The following WDR62 variants were observed in gnomAD, a reference collection of about 807,000 sequenced individuals.
WDR62 encodes the protein WD repeat-containing protein 62.
In WDR62, 112 loss-of-function variants were observed where a neutral mutation model predicts 160.6. The observed-to-expected ratio is 0.70, with a 90% confidence interval of 0.60 to 0.82. The LOEUF (loss-of-function observed/expected upper bound fraction) is 0.82, where lower values mean the gene tolerates loss of function less well. Ranked by LOEUF, WDR62 falls within the 40% of genes least tolerant of loss-of-function variation. WDR62 has a pLI of 0.00. For missense variants in WDR62, 1,819 were observed against 1,983.8 expected (o/e 0.92, Z 1.58); for synonymous variants, 792 against 815.1 (o/e 0.97, Z 0.48).
the WDR62 span, chr19:36,111,139 C>T: frequency 7.3e-7 from 1 of 1,362,976 alleles, no homozygotes; most frequent in East Asian, 2.5e-5. Flanking sequence ...GGATAGTCAT[C>T]CTGGGGCTGA....
chr19:36,083,392 G>A (rs1241548287), intron 11 of WDR62, 151 bp downstream of exon 11: 3 of 855,816 alleles, frequency 3.5e-6, no homozygotes, highest in Non-Finnish European at 5.7e-6. Context: ...CTCCCATTGG[G>A]AACTTAAGCT....
At chr19:36,084,478 C>G (rs1032784200) in intron 11 of WDR62, among the ~76,000 whole-genome samples, 175 bp from the exon 12 acceptor site, 1 of 152,160 alleles carries the variant, frequency 6.6e-6, no homozygotes, top group Admixed American at 6.5e-5. Context: ...TTCAACACGG[C>G]TCCCTTTACG....
At chr19:36,070,211 T>C (rs1030935007) in intron 7 of WDR62, 1 of 147,814 alleles carries the variant, frequency 6.8e-6, no homozygotes, top group Non-Finnish European at 1.5e-5. Flanking sequence ...AAGGCTGGAG[T>C]GCAGTGGCGC....
At chr19:36,095,476 TCA>T (rs1329462028) in intron 20 of WDR62, among the ~76,000 whole-genome samples, 63 of 152,308 alleles carry the variant, frequency 4.1e-4, no homozygotes, top group African/African-American at 1.4e-3. Context: ...CTCCATCCAC[TCA>T]CACCACCTGA....
rs1391916477 is a variant in WDR62, at chr19:36,071,708, G to T, written c.1035G>T (p.Leu345=). 3 of 1,613,514 alleles carry T rather than the reference G, an allele frequency of 1.9e-6. No individual in the cohort carries two copies. The highest frequency in any genetic ancestry group is 2.5e-6 in the Non-Finnish European group (3 of 1,179,758). ...HYLGVDVAQG[L]EPSFLFHRKA... is the part of the protein sequence containing the mutation. ...TTGGGGTAGACGTGGCACAGGGCCT[G>T]GAGCCCAGGTACTGCCCTGTGGGGA... The change falls in exon 8 of 32, where the codon CTG becomes CTT. Residue 345 remains leucine (L), a synonymous_variant. Transcript: ENST00000401500.
intron 7 of WDR62, chr19:36,071,033 C>A (rs558238906): frequency 5.9e-6 from 1 of 169,092 alleles, no homozygotes; most frequent in Non-Finnish European, 1.3e-5. Context: ...CATGGTGAAA[C>A]CCCATCTCAA....
chr19:36,103,039 G>A lies in WDR62; in HGVS notation c.3427G>A (p.Ala1143Thr), dbSNP rs1973476107. Reference sequence around the variant, plus strand: ...GGACCGAGGCGGAAGCCAGCCCAGAGCAGGTACTGGCTACGCCTCCCCAGA... The same window carrying A: ...GGACCGAGGCGGAAGCCAGCCCAGAACAGGTACTGGCTACGCCTCCCCAGA... ...LMDRGGSQPR[A>T]GTGYASPDRT... Residue 1143 changes from alanine to threonine, a missense_variant, in exon 28 of 32, where the codon GCA (alanine) becomes ACA (threonine). By Grantham distance (58) the Ala-to-Thr change is moderately conservative. This residue lies in a region of WDR62 where 770 missense variants were observed against 734.2 expected (regional missense o/e 1.05). Coordinates refer to ENST00000401500, the MANE Select transcript of WDR62 (RefSeq NM_001083961.2). 1 of 1,614,138 alleles carries A rather than the reference G, an allele frequency of 6.2e-7. No homozygotes were observed. The highest frequency in any genetic ancestry group is 8.5e-7 in the Non-Finnish European group (1 of 1,180,032).
At chr19:36,063,697 C>T (rs939258570) in intron 3 of WDR62, among the ~76,000 whole-genome samples, 1 of 152,212 alleles carries the variant, frequency 6.6e-6, no homozygotes, top group Non-Finnish European at 1.5e-5. Flanking sequence ...CCTGGTGCCT[C>T]CTCTCAGGAG....
At chr19:36,107,062 C>T (rs1444298877), downstream of WDR62, among the ~76,000 whole-genome samples, 1 of 152,202 alleles carries the variant, frequency 6.6e-6, no homozygotes, top group Non-Finnish European at 1.5e-5. Context: ...ATTACCCTTC[C>T]TTCCAACCTG....
intron 18 of WDR62, among the ~76,000 whole-genome samples, chr19:36,091,704 C>T (rs957055521): frequency 3.3e-5 from 5 of 151,962 alleles, no homozygotes; most frequent in Non-Finnish European, 5.9e-5. Flanking sequence ...CGAGACCAGC[C>T]TGGGCAACAT....
chr19:36,089,905 G>T (rs921969507), intron 15 of WDR62, among the ~76,000 whole-genome samples: 6 of 152,328 alleles, frequency 3.9e-5, no homozygotes, highest in African/African-American at 1.2e-4. Flanking sequence ...ACCTAACTGG[G>T]CTGGATGGTG....
At chr19:36,109,888 TACAAAAAAC>T (rs1385185001), downstream of WDR62, among the ~76,000 whole-genome samples, 9 of 150,756 alleles carry the variant, frequency 6.0e-5, no homozygotes, top group African/African-American at 1.7e-4. Flanking sequence ...ACCCCATCTC[TACAAAAAAC>T]ACAAAAAATC....
chr19:36,066,154 G>A lies in WDR62; in HGVS notation c.391-103G>A, dbSNP rs1349926043. The A allele has an allele frequency of 7.5e-6, 12 of 1,590,386 alleles. No homozygotes were observed. The Admixed American group carries it at 1.5e-4, about 20-fold the overall frequency. On this transcript the variant is annotated intron_variant, in intron 4 of 31. Coordinates refer to ENST00000401500, the MANE Select transcript of WDR62 (RefSeq NM_001083961.2). ...CAGCCCTGTAGCAGATGGGGGAGGT[G>A]GCTTTTGGGCACATCCTGTGGCAAT...
chr19:36,056,672 A>T (rs1970388482), intron 1 of WDR62, among the ~76,000 whole-genome samples: 1 of 152,200 alleles, frequency 6.6e-6, no homozygotes, highest in African/African-American at 2.4e-5. Context: ...TACATATAAC[A>T]ATAGCAAATT....
At chr19:36,076,951 G>C (rs910518334) in intron 9 of WDR62, among the ~76,000 whole-genome samples, 1 of 151,900 alleles carries the variant, frequency 6.6e-6, no homozygotes, top group Non-Finnish European at 1.5e-5. Context: ...AATTATATAT[G>C]TGTGTATATA....
At chr19:36,070,087 A>G (rs35125548) in intron 7 of WDR62, among the ~76,000 whole-genome samples, 42,955 of 151,426 alleles carry the variant, frequency 0.28, 6,367 homozygotes, top group Non-Finnish European at 0.33. Context: ...TGGAGGTACC[A>G]TTGATTTAAT....
At chr19:36,080,749 C>T (rs1008253325) in intron 9 of WDR62, among the ~76,000 whole-genome samples, 9 of 152,174 alleles carry the variant, frequency 5.9e-5, no homozygotes, top group African/African-American at 1.7e-4. Flanking sequence ...GCCACCGCGC[C>T]CGGCCAATAT....
intron 25 of WDR62, 44 bp downstream of exon 25, chr19:36,101,818 G>T: frequency 6.6e-7 from 1 of 1,525,658 alleles, no homozygotes. Context: ...GCTCGGGCCT[G>T]GCTTAGGGCC....
chr19:36,101,869 C>A, intron 25 of WDR62, 95 bp downstream of exon 25: 2 of 1,519,816 alleles, frequency 1.3e-6, no homozygotes, highest in East Asian at 2.4e-5. Flanking sequence ...TTGGAGCCCA[C>A]TGAGCCTGGA....
Sources: allele counts gnomAD v4.1 joint callset (sites outside exome capture counted in the v4.1 genomes callset), GRCh38; gene constraint gnomAD v4.1.1; regional missense constraint gnomAD v4.1.1; transcripts MANE v1.5; gene names NCBI Gene and HGNC (gene_info 2026-07-23, HGNC 2026-07-21).